Variants in MTX2 observed in about 807,000 individuals in gnomAD.
MTX2 encodes the protein metaxin-2.
In MTX2, 35 loss-of-function variants were observed where a neutral mutation model predicts 42.3. The observed-to-expected ratio is 0.83, with a 90% CI of 0.63 to 1.10. The LOEUF is 1.10. MTX2 is among the 50% of genes least tolerant of loss of function. The pLI is 0.00. For synonymous variants in MTX2, 119 were observed against 100.9 expected, an observed-to-expected ratio of 1.18 and a Z score of -1.08; for missense variants, 307 against 304.1, an observed-to-expected ratio of 1.01 and a Z score of -0.07.
chr2:176,327,565 A>G (rs1259600288), intron 5 of MTX2, among the ~76,000 whole-genome samples: 2 of 140,702 alleles, frequency 1.4e-5, no homozygotes, highest in Non-Finnish European at 3.1e-5. Context: ...TCCAAAATAT[A>G]TATATATATT....
At chr2:176,310,540 A>C (rs1684278461) in intron 3 of MTX2, among the ~76,000 whole-genome samples, 1 of 152,074 alleles carries the variant, frequency 6.6e-6, no homozygotes, top group African/African-American at 2.4e-5. Context: ...ACACCAATCC[A>C]ATGTAGATTT....
intron 3 of MTX2, among the ~76,000 whole-genome samples, chr2:176,305,564 T>A (rs1684122199): frequency 6.6e-6 from 1 of 152,170 alleles, no homozygotes; most frequent in Admixed American, 6.6e-5. Context: ...CTTATATTCT[T>A]GGGAGGACAG....
intron 1 of MTX2, 145 bp downstream of exon 1, chr2:176,269,814 C>T: frequency 4.0e-6 from 4 of 1,010,268 alleles, no homozygotes; most frequent in South Asian, 1.7e-5. Flanking sequence ...GACTACCAAC[C>T]TTATCTCACA....
At chr2:176,320,542 A>C (rs924711464) in intron 3 of MTX2, among the ~76,000 whole-genome samples, 1 of 152,122 alleles carries the variant, frequency 6.6e-6, no homozygotes, top group African/African-American at 2.4e-5. Flanking sequence ...ATTTCGTAAA[A>C]TATGAGCACT....
intron 3 of MTX2, among the ~76,000 whole-genome samples, chr2:176,309,638 A>G (rs1269399289): frequency 6.7e-6 from 1 of 149,870 alleles, no homozygotes; most frequent in African/African-American, 2.5e-5. Context: ...TCCCTTTACC[A>G]TTATGTAATG....
intron 1 of MTX2, among the ~76,000 whole-genome samples, chr2:176,282,696 A>C (rs952907135): frequency 4.0e-5 from 6 of 148,406 alleles, no homozygotes; most frequent in Non-Finnish European, 7.4e-5. Flanking sequence ...TAGTTTATCT[A>C]CTTTTTTTTT....
rs550010004 is a variant in MTX2 at position 176,297,679 on chromosome 2, T to C, written c.89-170T>C. Among the ~76,000 whole-genome samples the C allele has an allele frequency of 5.3e-5, 8 of 152,246 alleles. No homozygotes were observed. The South Asian group carries it at 1.7e-3, about 32-fold the overall frequency. The stretch of plus-strand genomic sequence containing the variant: ...TAGTTTTAGAGGAAACTGTCCTAGT[T>C]TATCATTATTTGTGATAATTTAATC... On this transcript the variant is annotated intron_variant, in intron 2 of 9. Coordinates refer to ENST00000249442, the MANE Select transcript of MTX2 (RefSeq NM_006554.5).
chr2:176,335,314 T>G (rs1010164728), intron 9 of MTX2, among the ~76,000 whole-genome samples: 1 of 152,082 alleles, frequency 6.6e-6, no homozygotes, highest in African/African-American at 2.4e-5. Flanking sequence ...GGTTGTATGC[T>G]ATGAATGGTA....
At position 176,326,867 on chromosome 2, in the gene MTX2, A is replaced by T; in HGVS notation, c.251A>T (p.Glu84Val). ...FIHVGNQVVS[E>V]LGPIVQFVKA... ...CATGTGGGAAATCAAGTAGTATCAG[A>T]ACTTGGTCCAATAGTCCAATTTGTT... is the stretch of plus-strand genomic sequence containing the variant. Residue 84 changes from glutamate to valine, a missense_variant, in exon 5 of 10, where the codon GAA (glutamate) becomes GTA (valine). Transcript: ENST00000249442. 6.3e-7 allele frequency: 1 copy of T among 1,577,204 alleles called. No homozygotes were observed. Among genetic ancestry groups the T allele is most frequent in the South Asian group, 1.2e-5 (1 of 86,018 alleles).
At chr2:176,330,421 G>GT (rs1684832964) in intron 8 of MTX2, among the ~76,000 whole-genome samples, 163 bp from the exon 9 acceptor site, 2 of 149,396 alleles carry the variant, frequency 1.3e-5, no homozygotes, top group Admixed American at 6.7e-5. Flanking sequence ...TATATAGAAA[G>GT]TATTATATAT....
intron 2 of MTX2, among the ~76,000 whole-genome samples, chr2:176,297,511 G>A (rs1683916822): frequency 6.6e-6 from 1 of 152,092 alleles, no homozygotes; most frequent in Non-Finnish European, 1.5e-5. Flanking sequence ...ATATTATTGT[G>A]AATGCTTTTA....
intron 1 of MTX2, among the ~76,000 whole-genome samples, chr2:176,287,122 A>G (rs1291568612): frequency 6.6e-6 from 1 of 152,224 alleles, no homozygotes; most frequent in East Asian, 1.9e-4. Flanking sequence ...CAGACATTGT[A>G]AAGGTACACA....
At chr2:176,290,973 A>G (rs1693315678) in intron 1 of MTX2, among the ~76,000 whole-genome samples, 2 of 152,156 alleles carry the variant, frequency 1.3e-5, no homozygotes, top group African/African-American at 4.8e-5. Context: ...TCTGACAAAC[A>G]GTCTCACTCT....
Position 176,275,950 on chromosome 2 carries a change from T to C in MTX2, c.40+6281T>C, listed in dbSNP as rs372204578. Among the ~76,000 whole-genome samples, 264 of 152,340 alleles carry C rather than the reference T, an allele frequency of 1.7e-3. 2 individuals carry two copies. The highest frequency in any genetic ancestry group is 5.8e-3 in the African/African-American group (240 of 41,570). ...CTTCCTTCACGTTGCTTTTACACTT[T>C]CTATGGATTTTGAAGTGAAAGGTCT... On this transcript the variant is annotated intron_variant, in intron 1 of 9. Coordinates refer to ENST00000249442, the MANE Select transcript of MTX2 (RefSeq NM_006554.5).
intron 9 of MTX2, among the ~76,000 whole-genome samples, chr2:176,332,992 A>G (rs944348957): frequency 6.6e-6 from 1 of 151,466 alleles, no homozygotes; most frequent in Non-Finnish European, 1.5e-5. Flanking sequence ...TAAATGGAAA[A>G]TGTTATGAAA....
chr2:176,329,127 T>C lies in MTX2; in HGVS notation c.418-174T>C, dbSNP rs527979420. On this transcript the variant is annotated intron_variant, in intron 7 of 9. Coordinates refer to ENST00000249442, the MANE Select transcript of MTX2 (RefSeq NM_006554.5). ...GTTGCAAAGTACATAAAAGTTTATATATTTTTAAAGGGAATGGCTTAAAAT... is the reference window on the plus strand; with the variant it reads ...GTTGCAAAGTACATAAAAGTTTATACATTTTTAAAGGGAATGGCTTAAAAT... 3.2e-4 allele frequency among the ~76,000 whole-genome samples: 48 copies of C among 151,446 alleles called. 1 individual carries two copies. Among genetic ancestry groups the C allele is most frequent in the African/African-American group, 1.1e-3 (46 of 41,474 alleles).
chr2:176,310,602 A>C (rs1026876116), intron 3 of MTX2, among the ~76,000 whole-genome samples: 3 of 151,188 alleles, frequency 2.0e-5, no homozygotes, highest in African/African-American at 7.3e-5. Flanking sequence ...GTTCCTTTTG[A>C]CTCTTTTTTC....
At chr2:176,321,597 A>G (rs920191542) in intron 3 of MTX2, among the ~76,000 whole-genome samples, 1 of 152,166 alleles carries the variant, frequency 6.6e-6, no homozygotes, top group African/African-American at 2.4e-5. Flanking sequence ...TCTAACACTC[A>G]GCTGCTACTT....
At position 176,329,046 on chromosome 2, in the gene MTX2, A is replaced by T. The variant is rs1684790040; in HGVS notation, c.417+134A>T. 4.3e-6 allele frequency: 4 copies of T among 920,812 alleles called. No individual in the cohort carries two copies. The Admixed American group carries it at 1.0e-4, about 23-fold the overall frequency. The allele number at this position is 920,812 out of a possible 1,614,324, so 57.0% of individuals were successfully genotyped here. Reference sequence around the variant, plus strand: ...GTGATATAGTTTTTCACTTACTTTAATTTTGCTTGCACATAACATTTTAGG... The same window carrying T: ...GTGATATAGTTTTTCACTTACTTTATTTTTGCTTGCACATAACATTTTAGG... On this transcript the variant is annotated intron_variant, in intron 7 of 9. Coordinates refer to ENST00000249442, the MANE Select transcript of MTX2 (RefSeq NM_006554.5).
Sources: gnomAD v4.1 joint callset for allele counts (sites outside exome capture counted in the v4.1 genomes callset) on GRCh38, gnomAD v4.1.1 for gene constraint, MANE v1.5 for transcripts, NCBI Gene and HGNC (gene_info 2026-07-23, HGNC 2026-07-21) for gene names.